Variants in DAPK3 observed in about 807,000 individuals in gnomAD.
The protein encoded by DAPK3 is death associated protein kinase 3.
A neutral mutation model predicts 30.6 loss-of-function variants in DAPK3; 24 were observed. The ratio of observed to expected loss-of-function variants is 0.78; its 90% CI spans 0.57 to 1.10. The LOEUF (loss-of-function observed/expected upper bound fraction) is 1.10, where lower values mean the gene tolerates loss of function less well. DAPK3 is among the 50% of genes least tolerant of loss of function. The pLI, the probability that DAPK3 is intolerant of heterozygous loss-of-function variation, is 0.00. For synonymous variants in DAPK3, 341 were observed against 284.0 expected (o/e 1.20, Z -2.02); for missense variants, 629 against 657.3 (o/e 0.96, Z 0.47).
At position 3,964,383 on chromosome 19, in the gene DAPK3, G is replaced by A. The variant is rs547499864; in HGVS notation, c.424-10C>T. The A allele has an allele frequency of 6.2e-7, 1 of 1,609,836 alleles. No individual in the cohort carries two copies. Among genetic ancestry groups the A allele is most frequent in the Middle Eastern group, 1.7e-4 (1 of 6,048 alleles). Reference sequence around the variant, plus strand: ...GCATGATGTTTTCCGGCTGGGGTGGGAGGAGGCTCAGCAGGGAAAGCACGG... The same window carrying A: ...GCATGATGTTTTCCGGCTGGGGTGGAAGGAGGCTCAGCAGGGAAAGCACGG... On this transcript the variant is annotated splice_polypyrimidine_tract_variant and intron_variant, in intron 3 of 8. Transcript: ENST00000545797.
At position 3,959,152 on chromosome 19, in the gene DAPK3, C is replaced by A; in HGVS notation, c.1314G>T (p.Val438=). The change falls in exon 9 of 9, where the codon GTG becomes GTT. Residue 438 remains valine (V), a synonymous_variant. Coordinates refer to ENST00000545797, the MANE Select transcript of DAPK3 (RefSeq NM_001348.3). The part of the protein sequence containing the change: ...ASEMRFVQDL[V]RALEQEKLQG... ...GCAGCTTCTCCTGCTCCAGGGCGCGCACGAGGTCCTGCACGAAGCGCATCT... is the reference window on the plus strand; with the variant it reads ...GCAGCTTCTCCTGCTCCAGGGCGCGAACGAGGTCCTGCACGAAGCGCATCT... 1.3e-6 allele frequency: 2 copies of A among 1,587,998 alleles called. No individual in the cohort carries two copies. The highest frequency in any genetic ancestry group is 1.3e-5 in the African/African-American group (1 of 74,700).
chr19:3,967,848 G>A (rs564931518), intron 2 of DAPK3, among the ~76,000 whole-genome samples: 32 of 152,308 alleles, frequency 2.1e-4, no homozygotes, highest in Admixed American at 1.5e-3. Context: ...AAGCAGTGCC[G>A]TCAGAACAGC....
chr19:3,959,502 AG>A lies in DAPK3; in HGVS notation c.963del (p.Phe322SerfsTer106), dbSNP rs2039479765. The A allele has an allele frequency of 4.5e-6, 7 of 1,560,712 alleles. No homozygotes were observed. The highest frequency in any genetic ancestry group is 6.0e-6 in the Non-Finnish European group (7 of 1,160,792). On this transcript the variant is annotated frameshift_variant, in exon 9 of 9. Transcript: ENST00000545797. LOFTEE classifies it low-confidence loss of function (END_TRUNC). ...SSLPPNNSYA[D>X]FERFSKVLEE... ...TCCAGCACCTTGGAGAAGCGCTCGAAGTCGGCGTAGCTGTTGTTGGGCGGCA... is the reference window on the plus strand; with the variant it reads ...TCCAGCACCTTGGAGAAGCGCTCGAATCGGCGTAGCTGTTGTTGGGCGGCA...
At position 3,961,025 on chromosome 19, in the gene DAPK3, G is replaced by A; in HGVS notation, c.766C>T (p.Leu256Phe). 1 of 1,613,694 alleles carries A rather than the reference G, an allele frequency of 6.2e-7. No individual in the cohort carries two copies. The highest frequency in any genetic ancestry group is 8.5e-7 in the Non-Finnish European group (1 of 1,179,918). ...ELAKDFIRRL[L>F]VKDPKRRMTI... ...CCCTCGTACTTGGGATCTTTGACGA[G>A]CAGCCGGCGAATGAAGTCCTTGGCC... Residue 256 changes from leucine to phenylalanine, a missense_variant, in exon 7 of 9, where the codon CTC (leucine) becomes TTC (phenylalanine). Transcript: ENST00000545797.
rs575022721 is a variant in DAPK3 at position 3,963,384 on chromosome 19, C to A, written c.629+259G>T. ...GAGAGGAGGCTGGGCTCCCTAGCAG[C>A]CAGAGGGACAGGAGCACACACGACC... On this transcript the variant is annotated intron_variant, in intron 6 of 8. Coordinates refer to ENST00000545797, the MANE Select transcript of DAPK3 (RefSeq NM_001348.3). Among the ~76,000 whole-genome samples, 216 of 152,258 alleles carry A rather than the reference C, an allele frequency of 1.4e-3. 2 individuals carry two copies. Among genetic ancestry groups the A allele is most frequent in the African/African-American group, 5.1e-3 (211 of 41,534 alleles).
chr19:3,966,386 T>C (rs1264929211), intron 2 of DAPK3, among the ~76,000 whole-genome samples: 2 of 152,158 alleles, frequency 1.3e-5, no homozygotes, highest in Admixed American at 1.3e-4. Flanking sequence ...CGACTGGACC[T>C]GGGCAAGCAG....
At position 3,964,308 on chromosome 19, in the gene DAPK3, GCCGAAGTCGA is replaced by G; in HGVS notation, c.479_488del (p.Ile160ThrfsTer27). ...TCCCCGCCTCGATCTTGTGCGCGATGCCGAAGTCGATGAGCTTGATTCGTGGGTTGGGCAC... is the reference window on the plus strand; with the variant it reads ...TCCCCGCCTCGATCTTGTGCGCGATGTGAGCTTGATTCGTGGGTTGGGCAC... On this transcript the variant is annotated frameshift_variant, in exon 4 of 9. Coordinates refer to ENST00000545797, the MANE Select transcript of DAPK3 (RefSeq NM_001348.3). LOFTEE classifies it high-confidence loss of function. 2 of 1,613,286 alleles carry G rather than the reference GCCGAAGTCGA, an allele frequency of 1.2e-6. No homozygotes were observed. Among genetic ancestry groups the G allele is most frequent in the Non-Finnish European group, 1.7e-6 (2 of 1,179,246 alleles).
At position 3,958,996 on chromosome 19, in the gene DAPK3, G is replaced by T; in HGVS notation, c.*105C>A. 1.4e-6 allele frequency: 1 copy of T among 734,208 alleles called. No homozygotes were observed. The highest frequency in any genetic ancestry group is 2.1e-6 in the Non-Finnish European group (1 of 467,674). 45.5% of individuals were successfully genotyped at this position (734,208 alleles called of 1,614,324 possible). ...CTCCGCCTCCAGCCTGGTGGCGCTG[G>T]GCAAGGACAGGCACCCGGGCGATGG... is the stretch of plus-strand genomic sequence containing the variant. On this transcript the variant is annotated 3_prime_UTR_variant, in exon 9 of 9. Coordinates refer to ENST00000545797, the MANE Select transcript of DAPK3 (RefSeq NM_001348.3).
intron 4 of DAPK3, 40 bp from the exon 5 acceptor site, chr19:3,963,959 G>A (rs781018791): frequency 1.5e-6 from 2 of 1,369,132 alleles, no homozygotes; most frequent in South Asian, 2.4e-5. Flanking sequence ...CTGGGGACAT[G>A]CTGGCCAAGG....
chr19:3,970,592 A>G (rs1373036118), intron 1 of DAPK3: 1 of 147,494 alleles, frequency 6.8e-6, no homozygotes, highest in Non-Finnish European at 1.5e-5. Flanking sequence ...TCCCCCGCTG[A>G]CCTCCACTGT....
intron 2 of DAPK3, among the ~76,000 whole-genome samples, chr19:3,968,180 T>G (rs1163401049): frequency 6.6e-6 from 1 of 152,166 alleles, no homozygotes; most frequent in Non-Finnish European, 1.5e-5. Flanking sequence ...ATGCAGTGGT[T>G]TGGGGAAGGC....
chr19:3,970,520 T>C (rs1053434970), intron 1 of DAPK3: 1 of 142,068 alleles, frequency 7.0e-6, no homozygotes, highest in African/African-American at 2.6e-5. Flanking sequence ...CTCCCTCCAA[T>C]TCTGAATTTT....
chr19:3,964,979 CGCAAACTGGCCG>C lies in DAPK3; in HGVS notation c.63_74del (p.Ser21_Ala25delinsArg). On this transcript the variant is annotated inframe_deletion and splice_region_variant, in exon 3 of 9. Transcript: ENST00000545797. ...CCTTCTGCCGGCACTTCCGCACGATCGCAAACTGGCCGCTGGAGGAGGGGGAGGGAGTGAGTG... is the reference window on the plus strand; with the variant it reads ...CCTTCTGCCGGCACTTCCGCACGATCCTGGAGGAGGGGGAGGGAGTGAGTG... 6.3e-7 allele frequency: 1 copy of C among 1,599,870 alleles called. No individual in the cohort carries two copies. The highest frequency in any genetic ancestry group is 8.5e-7 in the Non-Finnish European group (1 of 1,170,440).
intron 5 of DAPK3, 25 bp downstream of exon 5, chr19:3,963,846 C>A: frequency 6.6e-7 from 1 of 1,520,978 alleles, no homozygotes; most frequent in East Asian, 2.3e-5. Flanking sequence ...CAGGGAGGCC[C>A]GGTGGGAGCA....
At chr19:3,967,002 C>G (rs1316452886) in intron 2 of DAPK3, among the ~76,000 whole-genome samples, 1 of 152,184 alleles carries the variant, frequency 6.6e-6, no homozygotes, top group African/African-American at 2.4e-5. Context: ...TTCCCCAGCC[C>G]CCAGCGCAGG....
At chr19:3,969,157 A>G (rs1379814842) in intron 2 of DAPK3, among the ~76,000 whole-genome samples, 4 of 151,934 alleles carry the variant, frequency 2.6e-5, no homozygotes, top group African/African-American at 9.7e-5. Context: ...TTTTAAATAA[A>G]TGGGGTTTCA....
rs1175255722 is a variant in DAPK3 at position 3,961,174 on chromosome 19, C to T, written c.630-13G>A. On this transcript the variant is annotated splice_polypyrimidine_tract_variant and intron_variant, in intron 6 of 8. Transcript: ENST00000545797. ...TGCACCGCTCAGGCTGCGAGACAGG[C>T]GTGGGGGCTCAGTGGGGTCCTGGGC... 11 of 1,607,322 alleles carry T rather than the reference C, an allele frequency of 6.8e-6. No homozygotes were observed. Among genetic ancestry groups the T allele is most frequent in the African/African-American group, 5.4e-5 (4 of 74,762 alleles).
chr19:3,967,227 G>C (rs1336531756), intron 2 of DAPK3, among the ~76,000 whole-genome samples: 1 of 152,166 alleles, frequency 6.6e-6, no homozygotes, highest in Non-Finnish European at 1.5e-5. Flanking sequence ...AAAGCGTGCA[G>C]ATCACGATGT....
At chr19:3,963,157 C>CA (rs2145333892) in intron 6 of DAPK3, among the ~76,000 whole-genome samples, 1 of 151,872 alleles carries the variant, frequency 6.6e-6, no homozygotes, top group South Asian at 2.1e-4. Flanking sequence ...CATGTAGTCC[C>CA]AGGTACTCAG....
Sources: gnomAD v4.1 joint callset for allele counts (sites outside exome capture counted in the v4.1 genomes callset) on GRCh38, gnomAD v4.1.1 for gene constraint, MANE v1.5 for transcripts, NCBI Gene and HGNC (gene_info 2026-07-23, HGNC 2026-07-21) for gene names.